Variants in CEP135 observed in about 807,000 individuals in gnomAD.
The protein encoded by CEP135 is centrosomal protein 135.
CEP135 carries 142 observed loss-of-function variants against 157.3 expected under a neutral mutation model. That is an observed-to-expected ratio of 0.90 (90% CI 0.79 to 1.04). CEP135 has a LOEUF of 1.04. Ranked by LOEUF, CEP135 falls within the 50% of genes least tolerant of loss-of-function variation. The probability of loss-of-function intolerance (pLI) is 0.00; values close to 1 mark genes in which losing one functional copy is unlikely to be tolerated. For synonymous variants in CEP135, 396 were observed against 439.8 expected (o/e 0.90, Z 1.25); for missense variants, 1,317 against 1,309.2 (o/e 1.01, Z -0.09).
chr4:56,009,254 C>T (rs1173310216), intron 18 of CEP135, among the ~76,000 whole-genome samples: 1 of 152,114 alleles, frequency 6.6e-6, no homozygotes, highest in African/African-American at 2.4e-5. Flanking sequence ...CTCTGCCTCC[C>T]GGGTTCACGC....
chr4:56,015,278 C>G (rs1487899822), intron 21 of CEP135, among the ~76,000 whole-genome samples: 1 of 152,210 alleles, frequency 6.6e-6, no homozygotes, highest in African/African-American at 2.4e-5. Flanking sequence ...TAGCAGAAGA[C>G]AGACCAACAG....
At position 56,028,162 on chromosome 4, in the gene CEP135, G is replaced by T. The variant is rs1383867676; in HGVS notation, c.*12-3198G>T. ...GGGTTGTTTCTATCATATGGTTATT[G>T]TGAGTAATGCTGCTCTGAGCATTGG... On this transcript the variant is annotated intron_variant, in intron 25 of 25. Coordinates refer to ENST00000257287, the MANE Select transcript of CEP135 (RefSeq NM_025009.5). Among the ~76,000 whole-genome samples, 10 of 152,162 alleles carry T rather than the reference G, an allele frequency of 6.6e-5. No homozygotes were observed. In the East Asian group the frequency reaches 1.9e-3, roughly 29 times the overall value.
intron 14 of CEP135, among the ~76,000 whole-genome samples, chr4:55,987,162 GTACGC>G (rs1359148764): frequency 6.6e-6 from 1 of 152,064 alleles, no homozygotes. Context: ...ACCCTTTTGA[GTACGC>G]TACCTGTTGT....
At position 55,999,620 on chromosome 4, in the gene CEP135, A is replaced by G; in HGVS notation, c.2255A>G (p.Asn752Ser). 6.3e-7 allele frequency: 1 copy of G among 1,594,080 alleles called. No homozygotes were observed. Among genetic ancestry groups the G allele is most frequent in the Non-Finnish European group, 8.5e-7 (1 of 1,175,656 alleles). Residue 752 changes from asparagine to serine, a missense_variant, in exon 17 of 26, where the codon AAT becomes AGT. Physicochemically the swap from Asn to Ser is conservative, Grantham distance 46. Transcript: ENST00000257287. Reference sequence around the variant, plus strand: ...GATGAGAAGACAGAAAAGATTGCAAATTTGCAAGAAAACCTAGCTAATAAA... The same window carrying G: ...GATGAGAAGACAGAAAAGATTGCAAGTTTGCAAGAAAACCTAGCTAATAAA... ...TVDEKTEKIA[N>S]LQENLANKEK...
intron 17 of CEP135, among the ~76,000 whole-genome samples, chr4:56,004,974 CTCTT>C (rs1730306172): frequency 8.6e-6 from 1 of 116,046 alleles, no homozygotes; most frequent in African/African-American, 3.1e-5. Flanking sequence ...TATAACTCTT[CTCTT>C]TCTTCCCTTT....
intron 18 of CEP135, among the ~76,000 whole-genome samples, 190 bp from the exon 19 acceptor site, chr4:56,009,545 C>G (rs1461388201): frequency 2.6e-5 from 4 of 152,112 alleles, no homozygotes; most frequent in African/African-American, 9.7e-5. Context: ...ACTTCATTTG[C>G]ATGTAATTAT....
At position 55,957,180 on chromosome 4, in the gene CEP135, G is replaced by T. The variant is rs766004757; in HGVS notation, c.473-43G>T. On this transcript the variant is annotated intron_variant, in intron 4 of 25. Transcript: ENST00000257287. Reference sequence around the variant, plus strand: ...CTGGAATATTTAATTCTAAGACATGGTTTTGTTTCTTCTTAGTTTTTTAAG... The same window carrying T: ...CTGGAATATTTAATTCTAAGACATGTTTTTGTTTCTTCTTAGTTTTTTAAG... 3.1e-6 allele frequency: 5 copies of T among 1,600,094 alleles called. No individual in the cohort carries two copies. The African/African-American group carries it at 6.7e-5, about 22-fold the overall frequency.
At chr4:56,010,389 C>T (rs1327254947) in intron 19 of CEP135, among the ~76,000 whole-genome samples, 17 of 149,560 alleles carry the variant, frequency 1.1e-4, no homozygotes, top group Admixed American at 1.1e-3. Flanking sequence ...TGGGCAACAG[C>T]GTGAGACTCT....
intron 10 of CEP135, among the ~76,000 whole-genome samples, chr4:55,974,502 G>A (rs948220222): frequency 2.6e-5 from 4 of 152,090 alleles, no homozygotes; most frequent in African/African-American, 4.8e-5. Flanking sequence ...CCCATCTTAC[G>A]ATAAGACAAA....
rs1046380477 is a variant in CEP135 at position 55,997,564 on chromosome 4, G to A, written c.2010-1738G>A. Among the ~76,000 whole-genome samples, 7 of 152,158 alleles carry A rather than the reference G, an allele frequency of 4.6e-5. No individual in the cohort carries two copies. The East Asian group carries it at 1.2e-3, about 25-fold the overall frequency. On this transcript the variant is annotated intron_variant, in intron 15 of 25. Coordinates refer to ENST00000257287, the MANE Select transcript of CEP135 (RefSeq NM_025009.5). ...TCCTGGCAGGCATTTTCTCTTTCAC[G>A]TAGAGGAGGTTGGCCTTCCTATATT... is the stretch of plus-strand genomic sequence containing the variant.
intron 12 of CEP135, among the ~76,000 whole-genome samples, chr4:55,980,663 A>G (rs1056122172): frequency 6.6e-6 from 1 of 152,188 alleles, no homozygotes; most frequent in African/African-American, 2.4e-5. Flanking sequence ...TATATTGGCT[A>G]TTTAGGACTT....
intron 15 of CEP135, among the ~76,000 whole-genome samples, chr4:55,997,983 A>G (rs1489108650): frequency 6.6e-6 from 1 of 151,842 alleles, no homozygotes; most frequent in Non-Finnish European, 1.5e-5. Context: ...TCCCAACTTG[A>G]CTCTCCTCCC....
At chr4:56,027,771 T>C (rs540192325) in intron 25 of CEP135, among the ~76,000 whole-genome samples, 1 of 152,046 alleles carries the variant, frequency 6.6e-6, no homozygotes, top group Non-Finnish European at 1.5e-5. Flanking sequence ...CACTGAAACC[T>C]CAAACTCTCC....
chr4:56,031,836 T>A lies in CEP135; in HGVS notation c.*488T>A, dbSNP rs1326704533. 3 of 152,194 alleles carry A rather than the reference T, an allele frequency of 2.0e-5. No individual in the cohort carries two copies. Among genetic ancestry groups the A allele is most frequent in the Non-Finnish European group, 4.4e-5 (3 of 68,024 alleles). The allele number at this position is 152,194 out of a possible 1,614,324, so 9.4% of individuals were successfully genotyped here. ...ATGCTTAACTTTTTCTTCTTAAAATTATTCATAGATCTACTGTCTGTTGTC... is the reference window on the plus strand; with the variant it reads ...ATGCTTAACTTTTTCTTCTTAAAATAATTCATAGATCTACTGTCTGTTGTC... On this transcript the variant is annotated 3_prime_UTR_variant, in exon 26 of 26. Transcript: ENST00000257287.
At chr4:55,999,212 C>A in intron 15 of CEP135, 90 bp from the exon 16 acceptor site, 3 of 961,942 alleles carry the variant, frequency 3.1e-6, no homozygotes, top group Non-Finnish European at 3.1e-6. Flanking sequence ...AAAAATAAGA[C>A]ATCAAAATAT....
Position 56,011,873 on chromosome 4 carries a change from C to T in CEP135, c.2690C>T (p.Ala897Val), listed in dbSNP as rs1041673125. The T allele has an allele frequency of 2.5e-6, 4 of 1,606,796 alleles. No individual in the cohort carries two copies. In the African/African-American group the frequency reaches 4.0e-5, roughly 16 times the overall value. ...HNRAEDWEVK[A>V]HQAEGESSSV... ...CGTGCTGAAGACTGGGAGGTCAAAG[C>T]CCATCAAGCTGAGGGAGAAAGCAGC... Residue 897 changes from alanine to valine, a missense_variant, in exon 21 of 26, where the codon GCC becomes GTC. Physicochemically the swap from Ala to Val is moderately conservative, Grantham distance 64 (BLOSUM62 0). Transcript: ENST00000257287.
chr4:55,976,981 T>G (rs1016730890), intron 11 of CEP135, among the ~76,000 whole-genome samples: 9 of 151,940 alleles, frequency 5.9e-5, no homozygotes, highest in South Asian at 2.1e-4. Context: ...GGCTTTTTTT[T>G]TTTTTGTTTT....
intron 19 of CEP135, among the ~76,000 whole-genome samples, chr4:56,010,273 G>A (rs1261870734): frequency 6.8e-6 from 1 of 145,986 alleles, no homozygotes; most frequent in African/African-American, 2.5e-5. Flanking sequence ...TGAGGCAGGA[G>A]AATCACCTGA....
intron 19 of CEP135, among the ~76,000 whole-genome samples, chr4:56,010,361 A>C (rs71601612): frequency 3.4e-3 from 112 of 33,086 alleles, no homozygotes; most frequent in Non-Finnish European, 2.7e-3. Context: ...GACTCCATCC[A>C]AAAAAAAAAA....
Sources: allele counts gnomAD v4.1 joint callset (sites outside exome capture counted in the v4.1 genomes callset), GRCh38; gene constraint gnomAD v4.1.1; transcripts MANE v1.5; gene names NCBI Gene and HGNC (gene_info 2026-07-23, HGNC 2026-07-21).